The following CNTN5 variants were observed in gnomAD, a reference collection of about 807,000 sequenced individuals.
The protein encoded by CNTN5 is contactin-5.
Under a neutral mutation model 129.1 loss-of-function variants are expected in CNTN5, and 77 were observed. That is an observed-to-expected ratio of 0.60 (90% CI 0.50 to 0.72). The LOEUF is 0.72. CNTN5 is among the 30% of genes least tolerant of loss of function. The pLI, the probability that CNTN5 is intolerant of heterozygous loss-of-function variation, is 0.00. For synonymous variants in CNTN5, 509 were observed against 465.6 expected, an observed-to-expected ratio of 1.09 and a Z score of -1.20; for missense variants, 1,478 against 1,328.8, an observed-to-expected ratio of 1.11 and a Z score of -1.75.
intron 2 of CNTN5, among the ~76,000 whole-genome samples, chr11:99,357,751 T>G (rs11219581): frequency 0.032 from 4,923 of 152,040 alleles, 269 homozygotes; most frequent in African/African-American, 0.11. Flanking sequence ...TAGAGAACAT[T>G]TACAAATTAG....
chr11:99,291,900 A>G (rs1054182538), intron 1 of CNTN5, among the ~76,000 whole-genome samples: 2 of 152,090 alleles, frequency 1.3e-5, no homozygotes, highest in Non-Finnish European at 2.9e-5. Flanking sequence ...AAGAATGCAA[A>G]TAAGTGGCAA....
chr11:100,164,628 T>A (rs1947566599), intron 13 of CNTN5, among the ~76,000 whole-genome samples: 1 of 151,824 alleles, frequency 6.6e-6, no homozygotes, highest in African/African-American at 2.4e-5. Context: ...ATAACACTAG[T>A]ACTATAGTTG....
intron 9 of CNTN5, among the ~76,000 whole-genome samples, chr11:100,036,123 C>A (rs995083757): frequency 5.3e-5 from 8 of 152,080 alleles, no homozygotes; most frequent in East Asian, 1.9e-4. Flanking sequence ...AGTCTTTAAT[C>A]CATCTTGAAT....
intron 1 of CNTN5, among the ~76,000 whole-genome samples, chr11:99,248,636 T>C (rs1465009191): frequency 8.5e-5 from 13 of 152,222 alleles, no homozygotes; most frequent in Non-Finnish European, 1.6e-4. Flanking sequence ...AATTAATTTT[T>C]GTATAAGAAA....
At chr11:99,455,807 T>C (rs1944476241) in intron 2 of CNTN5, among the ~76,000 whole-genome samples, 1 of 152,182 alleles carries the variant, frequency 6.6e-6, no homozygotes, top group African/African-American at 2.4e-5. Flanking sequence ...TATATATTAT[T>C]CCAAGCCATT....
chr11:99,315,171 T>G lies in CNTN5; in HGVS notation c.-209-10175T>G, dbSNP rs1865289824. 1.3e-5 allele frequency among the ~76,000 whole-genome samples: 2 copies of G among 149,324 alleles called. 1 individual carries two copies. The highest frequency in any genetic ancestry group is 3.0e-5 in the Non-Finnish European group (2 of 66,670). On this transcript the variant is annotated intron_variant, in intron 1 of 24. Coordinates refer to ENST00000524871, the MANE Select transcript of CNTN5 (RefSeq NM_014361.4). The stretch of plus-strand genomic sequence containing the variant: ...TAAAAGCATTTGGTCTGGCTAGTAG[T>G]TCACTGAGCATAAATAGTTCACTGA...
chr11:99,056,950 C>T (rs535817796), intron 1 of CNTN5, among the ~76,000 whole-genome samples: 44 of 152,056 alleles, frequency 2.9e-4, no homozygotes, highest in African/African-American at 1.0e-3. Context: ...TTTTCCCTTA[C>T]TGGCTGCCCA....
chr11:100,333,426 A>AAAC (rs1951953433), intron 21 of CNTN5, among the ~76,000 whole-genome samples: 4 of 150,642 alleles, frequency 2.7e-5, no homozygotes, highest in African/African-American at 9.7e-5. Context: ...AAAAAAAAAA[A>AAAC]AAAAAACACC....
intron 3 of CNTN5, among the ~76,000 whole-genome samples, chr11:99,626,741 C>T (rs634379): frequency 0.61 from 92,945 of 151,986 alleles, 29,308 homozygotes; most frequent in Admixed American, 0.74. Flanking sequence ...TAAGAACATA[C>T]TGTGTATTTC....
intron 2 of CNTN5, among the ~76,000 whole-genome samples, chr11:99,357,146 C>T (rs887022230): frequency 5.3e-5 from 8 of 151,770 alleles, no homozygotes; most frequent in Non-Finnish European, 8.8e-5. Flanking sequence ...AGGGATGCTT[C>T]GCTGGTCAAG....
chr11:99,540,069 A>C (rs1948045345), intron 2 of CNTN5, among the ~76,000 whole-genome samples: 1 of 151,912 alleles, frequency 6.6e-6, no homozygotes, highest in Non-Finnish European at 1.5e-5. Context: ...TCCCACAAGG[A>C]CTCTCTTTGT....
chr11:100,090,519 C>G (rs1591221050), intron 13 of CNTN5, among the ~76,000 whole-genome samples: 1 of 83,250 alleles, frequency 1.2e-5, no homozygotes, highest in African/African-American at 5.1e-5. Flanking sequence ...CCCTCCCTCC[C>G]TCCCTCCCTT....
At chr11:99,620,508 CTT>C (rs71050006) in intron 3 of CNTN5, among the ~76,000 whole-genome samples, 163 of 107,012 alleles carry the variant, frequency 1.5e-3, no homozygotes, top group Admixed American at 2.4e-3. Context: ...TTTTTCTTTT[CTT>C]TTTTTTTTTT....
intron 3 of CNTN5, among the ~76,000 whole-genome samples, chr11:99,688,996 C>T (rs1176345791): frequency 1.3e-5 from 2 of 152,002 alleles, no homozygotes; most frequent in Admixed American, 6.6e-5. Context: ...TTTTCTTTAT[C>T]CTGTCTGTCA....
chr11:100,304,803 C>T (rs1005231924), intron 20 of CNTN5, among the ~76,000 whole-genome samples: 1 of 150,878 alleles, frequency 6.6e-6, no homozygotes, highest in Non-Finnish European at 1.5e-5. Context: ...AGCTTAACCT[C>T]TCTTCTGCTT....
intron 1 of CNTN5, among the ~76,000 whole-genome samples, chr11:99,262,785 T>G (rs1862703092): frequency 6.6e-6 from 1 of 152,104 alleles, no homozygotes; most frequent in Admixed American, 6.6e-5. Flanking sequence ...TTATTTAAAA[T>G]ATTTATGCAT....
intron 8 of CNTN5, among the ~76,000 whole-genome samples, chr11:99,970,071 A>C (rs1048831930): frequency 6.6e-6 from 1 of 152,136 alleles, no homozygotes. Context: ...TCCTAATCTC[A>C]TGATCACTTA....
At chr11:99,767,732 C>T (rs1944803537) in intron 3 of CNTN5, among the ~76,000 whole-genome samples, 1 of 151,780 alleles carries the variant, frequency 6.6e-6, no homozygotes, top group Non-Finnish European at 1.5e-5. Context: ...TACTCTCTAA[C>T]CTTCTCTTTA....
rs372421825 is a variant in CNTN5 at position 99,072,359 on chromosome 11, GA to G, written c.-210+51097del. ...AATTAATAAACTAGCATTAAGTTTG[GA>G]AAAAAAATGATGTCATTGGGGCTAT... On this transcript the variant is annotated intron_variant, in intron 1 of 24. Coordinates refer to ENST00000524871, the MANE Select transcript of CNTN5 (RefSeq NM_014361.4). Among the ~76,000 whole-genome samples, 1,176 of 151,686 alleles carry G rather than the reference GA, an allele frequency of 7.8e-3. 15 individuals are homozygous for G. The highest frequency in any genetic ancestry group is 0.027 in the African/African-American group (1,102 of 41,390).
Sources: gnomAD v4.1 joint callset for allele counts (sites outside exome capture counted in the v4.1 genomes callset) on GRCh38, gnomAD v4.1.1 for gene constraint, MANE v1.5 for transcripts, NCBI Gene and HGNC (gene_info 2026-07-23, HGNC 2026-07-21) for gene names.